The following MAP6 variants were observed in gnomAD, a reference collection of about 807,000 sequenced individuals.
The protein encoded by MAP6 is microtubule-associated protein 6.
A neutral mutation model predicts 42.4 loss-of-function variants in MAP6; 26 were observed. That is an observed-to-expected ratio of 0.61 (90% confidence interval 0.45 to 0.85). The LOEUF is 0.85. Ranked by LOEUF, MAP6 falls within the 40% of genes least tolerant of loss-of-function variation. MAP6 has a pLI of 0.00. For missense variants in MAP6, 966 were observed against 1,099.0 expected (o/e 0.88, Z 1.71); for synonymous variants, 418 against 443.8 (o/e 0.94, Z 0.73).
At chr11:75,618,345 G>A (rs764729302) in intron 1 of MAP6, among the ~76,000 whole-genome samples, 4 of 152,092 alleles carry the variant, frequency 2.6e-5, no homozygotes, top group Non-Finnish European at 4.4e-5. Flanking sequence ...GGTGGCTCAC[G>A]CCTGTAATCC....
At chr11:75,638,400 G>A (rs1590793038) in intron 1 of MAP6, 1 of 152,128 alleles carries the variant, frequency 6.6e-6, no homozygotes, top group Non-Finnish European at 1.5e-5. Flanking sequence ...CTGCCCTTGG[G>A]GTGCTCCTGC....
intron 3 of MAP6, among the ~76,000 whole-genome samples, chr11:75,599,782 G>A (rs12576901): frequency 1.3e-5 from 2 of 152,160 alleles, no homozygotes; most frequent in African/African-American, 2.4e-5. Flanking sequence ...TAGACAGCAG[G>A]CTATGGAGCT....
intron 1 of MAP6, among the ~76,000 whole-genome samples, chr11:75,646,931 A>G (rs1943563302): frequency 6.6e-6 from 1 of 152,186 alleles, no homozygotes; most frequent in African/African-American, 2.4e-5. Flanking sequence ...GAGGTAAAAT[A>G]TAAGACAAGA....
Position 75,667,521 on chromosome 11 carries a change from G to T in MAP6, c.849C>A (p.Asp283Glu). 6.7e-7 allele frequency: 1 copy of T among 1,501,184 alleles called. No individual in the cohort carries two copies. Among genetic ancestry groups the T allele is most frequent in the Admixed American group, 2.1e-5 (1 of 47,124 alleles). 93.0% of individuals were successfully genotyped at this position (1,501,184 alleles called of 1,614,324 possible). A position where few individuals can be genotyped will look rare whatever the true frequency, so the allele number is the denominator to read the frequency against. Residue 283 changes from aspartate to glutamate, a missense_variant, in exon 1 of 4, where the codon GAC (aspartate) becomes GAA (glutamate). By Grantham distance (45) the Asp-to-Glu change is conservative. Around this residue, in one of 2 missense-constraint regions of MAP6, gnomAD observed 943 missense variants for 1,049.9 expected, o/e 0.90. Transcript: ENST00000304771. This position sits in a 1 kb window ranked among gnomAD's most constrained non-coding sequence, Gnocchi z 5.6. ...PEAGRGRAAA[D>E]ALNRQIREEV... is the part of the protein sequence containing the mutation. ...CCTCGCGGATTTGCCGGTTGAGGGC[G>T]TCCGCCGCGGCGCGCCCCCTGCCAG...
At chr11:75,604,721 C>T in intron 3 of MAP6, 1 of 985,348 alleles carries the variant, frequency 1.0e-6, no homozygotes, top group Non-Finnish European at 1.2e-6. Context: ...ATACTGAGAG[C>T]TGCTTTTATA....
At chr11:75,638,809 T>C (rs1346275263) in intron 1 of MAP6, among the ~76,000 whole-genome samples, 1 of 152,190 alleles carries the variant, frequency 6.6e-6, no homozygotes, top group Non-Finnish European at 1.5e-5. Context: ...ACTGGGTATC[T>C]ACCCCAAAAG....
At chr11:75,605,608 A>C in intron 3 of MAP6, 200 bp downstream of exon 3, 3 of 1,370,986 alleles carry the variant, frequency 2.2e-6, no homozygotes, top group Non-Finnish European at 2.8e-6. Context: ...CCTCAGGAGG[A>C]GGCCTGCCAC....
intron 1 of MAP6, among the ~76,000 whole-genome samples, chr11:75,661,663 C>G (rs1172842956): frequency 6.6e-6 from 1 of 151,964 alleles, no homozygotes; most frequent in Non-Finnish European, 1.5e-5. Context: ...AAACCCCTAG[C>G]AAACTAAGAT....
intron 1 of MAP6, among the ~76,000 whole-genome samples, chr11:75,630,198 C>G (rs1401674980): frequency 1.3e-5 from 2 of 152,200 alleles, no homozygotes; most frequent in Non-Finnish European, 2.9e-5. Flanking sequence ...GCATGGGACT[C>G]CTGGGCTTAA....
At chr11:75,638,743 T>C (rs1366178861) in intron 1 of MAP6, among the ~76,000 whole-genome samples, 1 of 152,178 alleles carries the variant, frequency 6.6e-6, no homozygotes, top group African/African-American at 2.4e-5. Context: ...GAAAACAGTA[T>C]GGAGATTTCT....
intron 1 of MAP6, among the ~76,000 whole-genome samples, chr11:75,651,035 T>C (rs527376098): frequency 9.9e-5 from 15 of 152,232 alleles, no homozygotes; most frequent in African/African-American, 3.6e-4. Flanking sequence ...ATCTTCATCA[T>C]CACATTTCTC....
intron 3 of MAP6, among the ~76,000 whole-genome samples, chr11:75,599,274 A>G (rs1942629901): frequency 6.6e-6 from 1 of 152,322 alleles, no homozygotes; most frequent in South Asian, 2.1e-4. Context: ...GGCCCATTAC[A>G]TGAGGACAAG....
In MAP6 at chr11:75,587,088, G is replaced by T; in HGVS notation, c.2413C>A (p.His805Asn). The T allele has an allele frequency of 1.9e-6, 3 of 1,603,580 alleles. No homozygotes were observed. The highest frequency in any genetic ancestry group is 2.6e-6 in the Non-Finnish European group (3 of 1,172,778). Reference protein sequence around the residue: ...LPRVMIPTAPHTEYIESSP With the variant: ...LPRVMIPTAPNTEYIESSP ...GGGGAGCTCTCAATGTATTCCGTAT[G>T]GGGGGCAGTTGGGATCATGACTCGG... Residue 805 changes from histidine to asparagine, a missense_variant, in exon 4 of 4, where the codon CAT (histidine) becomes AAT (asparagine). Transcript: ENST00000304771.
In MAP6 at chr11:75,613,442, G is replaced by A. The variant is rs188826975; in HGVS notation, c.906-5120C>T. 2.3e-3 allele frequency among the ~76,000 whole-genome samples: 355 copies of A among 152,228 alleles called. 1 individual carries two copies. Among genetic ancestry groups the A allele is most frequent in the Admixed American group, 5.3e-3 (81 of 15,306 alleles). ...AGTCAGCCTGGGTGTACACCACAGT[G>A]AGGCCCGGGGCACATTGGGAGGGTC... is the stretch of plus-strand genomic sequence containing the variant. On this transcript the variant is annotated intron_variant, in intron 1 of 3. Coordinates refer to ENST00000304771, the MANE Select transcript of MAP6 (RefSeq NM_033063.2).
chr11:75,666,184 C>T (rs1008299408), intron 1 of MAP6, among the ~76,000 whole-genome samples: 2 of 151,960 alleles, frequency 1.3e-5, no homozygotes, highest in African/African-American at 4.8e-5. Flanking sequence ...AGCTCAATTA[C>T]TTTCATACAG....
At chr11:75,604,714 C>G in intron 3 of MAP6, 1 of 985,326 alleles carries the variant, frequency 1.0e-6, no homozygotes, top group Non-Finnish European at 1.2e-6. Flanking sequence ...ACGGAATATA[C>G]TGAGAGCTGC....
At chr11:75,653,641 G>A (rs535280587) in intron 1 of MAP6, among the ~76,000 whole-genome samples, 106 of 152,262 alleles carry the variant, frequency 7.0e-4, no homozygotes, top group African/African-American at 2.4e-3. Context: ...TTTTACTCAT[G>A]CAATAAAATA....
chr11:75,650,133 G>A (rs554218864), intron 1 of MAP6, among the ~76,000 whole-genome samples: 4 of 152,166 alleles, frequency 2.6e-5, no homozygotes, highest in African/African-American at 7.2e-5. Flanking sequence ...TTGACATCAC[G>A]CACCCAGGCC....
intron 1 of MAP6, among the ~76,000 whole-genome samples, chr11:75,651,377 C>T (rs1943643362): frequency 6.6e-6 from 1 of 152,186 alleles, no homozygotes; most frequent in Non-Finnish European, 1.5e-5. Context: ...CTTTGGCCCA[C>T]TCTGGAGGAA....
Sources: allele counts gnomAD v4.1 joint callset (sites outside exome capture counted in the v4.1 genomes callset), GRCh38; gene constraint gnomAD v4.1.1; regional missense constraint gnomAD v4.1.1; non-coding constraint Gnocchi (gnomAD v3.1); transcripts MANE v1.5; gene names NCBI Gene and HGNC (gene_info 2026-07-23, HGNC 2026-07-21).